Variants in IPCEF1 observed in about 807,000 individuals in gnomAD.
IPCEF1 encodes the protein interaction protein for cytohesin exchange factors 1.
A neutral mutation model predicts 50.9 loss-of-function variants in IPCEF1; 31 were observed. That is an observed-to-expected ratio of 0.61 (90% confidence interval 0.46 to 0.82). The LOEUF (loss-of-function observed/expected upper bound fraction) is 0.82. Ranked by LOEUF, IPCEF1 falls within the 40% of genes least tolerant of loss-of-function variation. IPCEF1 has a pLI of 0.00. For synonymous variants in IPCEF1, 181 were observed against 192.0 expected (o/e 0.94, Z 0.47); for missense variants, 458 against 514.0 (o/e 0.89, Z 1.05).
At chr6:154,254,349 A>C (rs573780703) in intron 3 of IPCEF1, among the ~76,000 whole-genome samples, 2 of 152,322 alleles carry the variant, frequency 1.3e-5, no homozygotes, top group African/African-American at 4.8e-5. Flanking sequence ...AAAAGTTACG[A>C]TCATGGTGGA....
chr6:154,191,243 G>C (rs973887589), intron 10 of IPCEF1, among the ~76,000 whole-genome samples: 10 of 152,142 alleles, frequency 6.6e-5, no homozygotes, highest in African/African-American at 2.2e-4. Context: ...CTGGGAGAAG[G>C]GTAGAAGGAT....
intron 1 of IPCEF1, among the ~76,000 whole-genome samples, chr6:154,344,757 G>T (rs1478737391): frequency 6.6e-6 from 1 of 152,098 alleles, no homozygotes; most frequent in Non-Finnish European, 1.5e-5. Flanking sequence ...TTTCTCAACA[G>T]AACAGAAGTT....
intron 2 of IPCEF1, among the ~76,000 whole-genome samples, chr6:154,267,507 T>C (rs1253172287): frequency 6.6e-6 from 1 of 152,228 alleles, no homozygotes; most frequent in Non-Finnish European, 1.5e-5. Context: ...GTCGCTCTTC[T>C]GGCCAGAAAC....
chr6:154,231,762 C>A (rs189511411), intron 5 of IPCEF1, among the ~76,000 whole-genome samples: 1 of 152,196 alleles, frequency 6.6e-6, no homozygotes. Context: ...AACAGAGATG[C>A]GAAGGAGACT....
intron 1 of IPCEF1, among the ~76,000 whole-genome samples, chr6:154,312,725 G>A (rs7764996): frequency 0.69 from 105,185 of 151,688 alleles, 36,730 homozygotes; most frequent in East Asian, 0.89. Flanking sequence ...GTTAATAACA[G>A]TGAATTGTAT....
At chr6:154,305,535 C>A (rs1782909511) in intron 1 of IPCEF1, among the ~76,000 whole-genome samples, 1 of 152,204 alleles carries the variant, frequency 6.6e-6, no homozygotes, top group South Asian at 2.1e-4. Flanking sequence ...ACTAATAGTT[C>A]TCCATCCTGG....
chr6:154,181,385 G>A (rs1446717178), intron 10 of IPCEF1, among the ~76,000 whole-genome samples: 5 of 152,118 alleles, frequency 3.3e-5, no homozygotes, highest in Non-Finnish European at 7.4e-5. Context: ...ACACTTCTAT[G>A]AGAAGTGTTA....
chr6:154,311,124 T>C (rs1316832552), intron 1 of IPCEF1, among the ~76,000 whole-genome samples: 1 of 152,112 alleles, frequency 6.6e-6, no homozygotes, highest in Non-Finnish European at 1.5e-5. Flanking sequence ...CCCATAAATA[T>C]GCACAATTAT....
At chr6:154,226,710 T>A (rs1375922700) in intron 5 of IPCEF1, among the ~76,000 whole-genome samples, 1 of 152,202 alleles carries the variant, frequency 6.6e-6, no homozygotes, top group Non-Finnish European at 1.5e-5. Flanking sequence ...AATGTTTACA[T>A]CATGAACATT....
intron 10 of IPCEF1, among the ~76,000 whole-genome samples, chr6:154,183,562 ATGC>A (rs1184839782): frequency 5.9e-5 from 9 of 152,306 alleles, no homozygotes; most frequent in Admixed American, 3.9e-4. Flanking sequence ...ATACCAAAGG[ATGC>A]TATAAAGGTA....
At chr6:154,182,819 T>G (rs1482121138) in intron 10 of IPCEF1, among the ~76,000 whole-genome samples, 2 of 151,806 alleles carry the variant, frequency 1.3e-5, no homozygotes. Context: ...TGGGGACAAG[T>G]GAATACAAAA....
At chr6:154,217,906 G>C (rs778463329) in intron 7 of IPCEF1, among the ~76,000 whole-genome samples, 3 of 152,198 alleles carry the variant, frequency 2.0e-5, no homozygotes, top group Admixed American at 6.5e-5. Context: ...CATGGAAATA[G>C]AGCAAAATAG....
intron 3 of IPCEF1, among the ~76,000 whole-genome samples, chr6:154,248,846 T>G (rs1021624304): frequency 6.6e-6 from 1 of 152,146 alleles, no homozygotes; most frequent in African/African-American, 2.4e-5. Flanking sequence ...CAACATCCCT[T>G]TATATGAGTA....
intron 1 of IPCEF1, among the ~76,000 whole-genome samples, chr6:154,348,266 T>C (rs1203270546): frequency 1.3e-5 from 2 of 152,162 alleles, no homozygotes; most frequent in African/African-American, 4.8e-5. Context: ...CAAAAGCTGC[T>C]CTAGTTGATT....
intron 2 of IPCEF1, among the ~76,000 whole-genome samples, chr6:154,280,504 A>G (rs1782179478): frequency 1.3e-5 from 2 of 152,258 alleles, no homozygotes; most frequent in Non-Finnish European, 2.9e-5. Context: ...CTACATAGCA[A>G]TCAAAAAGAA....
intron 5 of IPCEF1, among the ~76,000 whole-genome samples, chr6:154,244,427 C>T (rs1780868123): frequency 6.6e-6 from 1 of 151,988 alleles, no homozygotes; most frequent in South Asian, 2.1e-4. Flanking sequence ...AGTTCCCTAG[C>T]CAGATAGCGG....
chr6:154,293,334 T>C (rs1005934325), intron 1 of IPCEF1, among the ~76,000 whole-genome samples: 2 of 152,210 alleles, frequency 1.3e-5, no homozygotes, highest in Non-Finnish European at 2.9e-5. Context: ...CTTATCTGGG[T>C]GGCATCAGAC....
At chr6:154,313,734 T>C (rs1054232314) in intron 1 of IPCEF1, among the ~76,000 whole-genome samples, 4 of 151,874 alleles carry the variant, frequency 2.6e-5, no homozygotes, top group Admixed American at 1.3e-4. Context: ...CTTCTGGTTC[T>C]TTTTTTTGTT....
chr6:154,248,844 C>T (rs1011612973), intron 3 of IPCEF1, among the ~76,000 whole-genome samples: 2 of 151,950 alleles, frequency 1.3e-5, no homozygotes, highest in African/African-American at 2.4e-5. Flanking sequence ...AACAACATCC[C>T]TTTATATGAG....
Sources: allele counts gnomAD v4.1 joint callset (sites outside exome capture counted in the v4.1 genomes callset), GRCh38; gene constraint gnomAD v4.1.1; transcripts MANE v1.5; gene names NCBI Gene and HGNC (gene_info 2026-07-23, HGNC 2026-07-21).